Variants in SAXO2 observed in about 807,000 individuals in gnomAD.
SAXO2 encodes the protein family with sequence similarity 154, member B.
In SAXO2, 17 loss-of-function variants were observed where a neutral mutation model predicts 18.7. That is an observed-to-expected ratio of 0.91 (90% CI 0.62 to 1.36). The LOEUF (loss-of-function observed/expected upper bound fraction) is 1.36. SAXO2 is among the 40% of genes most tolerant of loss of function. The probability of loss-of-function intolerance (pLI) is 0.00; values close to 1 mark genes in which losing one functional copy is unlikely to be tolerated. For synonymous variants in SAXO2, 163 were observed against 181.2 expected, an observed-to-expected ratio of 0.90 and a Z score of 0.81; for missense variants, 486 against 562.6, an observed-to-expected ratio of 0.86 and a Z score of 1.38.
chr15:82,272,056 G>T, intron 3 of SAXO2: 1 of 402,264 alleles, frequency 2.5e-6, no homozygotes, highest in South Asian at 5.5e-5. Flanking sequence ...CTCAAAACAT[G>T]AAAAACAAAG....
In SAXO2 at chr15:82,263,356, T is replaced by C. The variant is rs750184926; in HGVS notation, c.53+424T>C. 79 of 802,050 alleles carry C rather than the reference T, an allele frequency of 9.8e-5. No individual in the cohort carries two copies. The African/African-American group carries it at 1.1e-3, about 11-fold the overall frequency. The allele number at this position is 802,050 out of a possible 1,614,324, so 49.7% of individuals were successfully genotyped here. A position where few individuals can be genotyped will look rare whatever the true frequency, so the allele number is the denominator to read the frequency against. ...CCCATATCACATTTTCTTTCATCTG[T>C]AGCTTTCTGTCCTCCCAGCCAGACC... is the stretch of plus-strand genomic sequence containing the variant. On this transcript the variant is annotated intron_variant, in intron 1 of 3. Coordinates refer to ENST00000682753, the MANE Select transcript of SAXO2 (RefSeq NM_001348699.2).
At position 82,278,615 on chromosome 15, in the gene SAXO2, A is replaced by G. The variant is rs2075336149; in HGVS notation, c.434-3504A>G. 2.0e-5 allele frequency among the ~76,000 whole-genome samples: 3 copies of G among 152,336 alleles called. 1 individual carries two copies. The South Asian group carries it at 6.2e-4, about 32-fold the overall frequency. Reference sequence around the variant, plus strand: ...AATAACAGAATATACATTCTTTTCAAGTGCACTTGAAAGCTTCATCCAGAT... The same window carrying G: ...AATAACAGAATATACATTCTTTTCAGGTGCACTTGAAAGCTTCATCCAGAT... On this transcript the variant is annotated intron_variant, in intron 3 of 3. Coordinates refer to ENST00000682753, the MANE Select transcript of SAXO2 (RefSeq NM_001348699.2).
In SAXO2 at chr15:82,269,252, G is replaced by C. The variant is rs76395249; in HGVS notation, c.234-2351G>C. On this transcript the variant is annotated intron_variant, in intron 2 of 3. Transcript: ENST00000682753. ...CAGTGATAAAATCTATGAAGGACAG[G>C]CACAGGTACCTTGACAACCAGACCA... Among the ~76,000 whole-genome samples, 1,218 of 152,244 alleles carry C rather than the reference G, an allele frequency of 8.0e-3. 14 individuals carry two copies. The highest frequency in any genetic ancestry group is 0.027 in the African/African-American group (1,142 of 41,550).
Position 82,263,116 on chromosome 15 carries a change from G to A in SAXO2, c.53+184G>A, listed in dbSNP as rs1431395871. ...CTCGCTCCTCACCCGCCTGCTACCC[G>A]GGGGTAAAACGTTTGTTCGTAGCCC... On this transcript the variant is annotated intron_variant, in intron 1 of 3. Transcript: ENST00000682753. The A allele has an allele frequency of 2.7e-6, 4 of 1,480,152 alleles. No individual in the cohort carries two copies. The African/African-American group carries it at 4.3e-5, about 16-fold the overall frequency. The allele number at this position is 1,480,152 out of a possible 1,614,324, so 91.7% of individuals were successfully genotyped here.
intron 3 of SAXO2, among the ~76,000 whole-genome samples, chr15:82,281,304 C>T (rs1260289253): frequency 2.0e-5 from 3 of 152,174 alleles, no homozygotes; most frequent in African/African-American, 7.2e-5. Flanking sequence ...ATTCTGCATA[C>T]ACCAGAGTGA....
chr15:82,282,485 C>A lies in SAXO2; in HGVS notation c.800C>A (p.Thr267Asn), dbSNP rs763747184. ...KLCRPVHTRV[T>N]QNALFEGSTE... ...TGCAGACCTGTACACACCAGAGTGA[C>A]CCAGAATGCTCTGTTTGAAGGAAGC... Residue 267 changes from threonine (T) to asparagine (N), a missense_variant, in exon 4 of 4, where the codon ACC becomes AAC. Coordinates refer to ENST00000682753, the MANE Select transcript of SAXO2 (RefSeq NM_001348699.2). The A allele has an allele frequency of 2.5e-6, 4 of 1,614,132 alleles. No homozygotes were observed. In the South Asian group the frequency reaches 3.3e-5, roughly 13 times the overall value.
At chr15:82,265,916 G>C (rs2075212812) in intron 2 of SAXO2, among the ~76,000 whole-genome samples, 168 bp downstream of exon 2, 1 of 150,264 alleles carries the variant, frequency 6.7e-6, no homozygotes, top group African/African-American at 2.4e-5. Flanking sequence ...ACAGAAAAAT[G>C]AGAATTAAGT....
chr15:82,276,601 T>G (rs2075317570), intron 3 of SAXO2, among the ~76,000 whole-genome samples: 1 of 151,894 alleles, frequency 6.6e-6, no homozygotes, highest in African/African-American at 2.4e-5. Flanking sequence ...AAATAAACAG[T>G]GGGGAAATTG....
intron 2 of SAXO2, among the ~76,000 whole-genome samples, chr15:82,270,173 G>T (rs1421036628): frequency 1.3e-5 from 2 of 152,178 alleles, no homozygotes; most frequent in South Asian, 2.1e-4. Context: ...AGTTGTGGGA[G>T]TAGAAGAGTT....
rs1249034831 is a variant in SAXO2 at position 82,271,698 on chromosome 15, A to G, written c.329A>G (p.Tyr110Cys). 9 of 1,614,166 alleles carry G rather than the reference A, an allele frequency of 5.6e-6. No homozygotes were observed. The highest frequency in any genetic ancestry group is 3.3e-5 in the Admixed American group (2 of 60,026). Residue 110 changes from tyrosine (Y) to cysteine (C), a missense_variant, in exon 3 of 4, where the codon TAC becomes TGC. Tyr to Cys is a radical substitution (Grantham distance 194, BLOSUM62 -2). Coordinates refer to ENST00000682753, the MANE Select transcript of SAXO2 (RefSeq NM_001348699.2). ...KQGKIDLGTT[Y>C]KRDLNSYKVQ... ...GGGAAGATTGATCTTGGTACTACCT[A>G]CAAACGGGATTTGAATTCGTATAAA...
Position 82,282,419 on chromosome 15 carries a change from G to A in SAXO2, c.734G>A (p.Arg245Gln), listed in dbSNP as rs780806755. 6.2e-6 allele frequency: 10 copies of A among 1,614,110 alleles called. No individual in the cohort carries two copies. In the East Asian group the frequency reaches 8.9e-5, roughly 14 times the overall value. The change falls in exon 4 of 4, where the codon CGG becomes CAG. Residue 245 changes from arginine to glutamine, a missense_variant. Coordinates refer to ENST00000682753, the MANE Select transcript of SAXO2 (RefSeq NM_001348699.2). ...CGCTTTGAGGATCTCACAACTCACCGGTGTGACTTTCAGGGTCTCATTGGT... is the reference window on the plus strand; with the variant it reads ...CGCTTTGAGGATCTCACAACTCACCAGTGTGACTTTCAGGGTCTCATTGGT... ...DQRFEDLTTHRCDFQGLIGET... is the reference protein window; with the variant it reads ...DQRFEDLTTHQCDFQGLIGET...
intron 1 of SAXO2, chr15:82,264,888 T>TC: frequency 1.6e-6 from 1 of 607,598 alleles, no homozygotes; most frequent in Non-Finnish European, 2.9e-6. Context: ...GCCTTGACTC[T>TC]CTCCTTATGT....
At chr15:82,264,686 A>G (rs777416070) in intron 1 of SAXO2, 11 of 702,276 alleles carry the variant, frequency 1.6e-5, no homozygotes, top group Non-Finnish European at 2.3e-5. Flanking sequence ...AGGACTGACA[A>G]GGGAGCCACT....
chr15:82,266,268 C>T (rs2075217580), intron 2 of SAXO2, among the ~76,000 whole-genome samples: 1 of 152,216 alleles, frequency 6.6e-6, no homozygotes, highest in African/African-American at 2.4e-5. Flanking sequence ...ACAAGCCTGA[C>T]CTAGAGGAAT....
chr15:82,267,487 T>A lies in SAXO2; in HGVS notation c.233+1739T>A, dbSNP rs117718701. On this transcript the variant is annotated intron_variant, in intron 2 of 3. Coordinates refer to ENST00000682753, the MANE Select transcript of SAXO2 (RefSeq NM_001348699.2). Reference sequence around the variant, plus strand: ...CACTTTTCCCCTTAGCTTAATGATTTTGGGACTCCAAGATTTATCTTCCTT... The same window carrying A: ...CACTTTTCCCCTTAGCTTAATGATTATGGGACTCCAAGATTTATCTTCCTT... 2.1e-4 allele frequency among the ~76,000 whole-genome samples: 32 copies of A among 152,316 alleles called. 1 individual carries two copies. In the East Asian group the frequency reaches 6.2e-3, roughly 29 times the overall value.
At position 82,271,542 on chromosome 15, in the gene SAXO2, C is replaced by A. The variant is rs1278661821; in HGVS notation, c.234-61C>A. Reference sequence around the variant, plus strand: ...AAAAGCCTTGACATTTTCCATACTTCATTGAAATAATTAGGAATAAAAGAA... The same window carrying A: ...AAAAGCCTTGACATTTTCCATACTTAATTGAAATAATTAGGAATAAAAGAA... On this transcript the variant is annotated intron_variant, in intron 2 of 3. Transcript: ENST00000682753. 3 of 1,362,606 alleles carry A rather than the reference C, an allele frequency of 2.2e-6. No homozygotes were observed. In the East Asian group the frequency reaches 7.2e-5, roughly 33 times the overall value. The allele number at this position is 1,362,606 out of a possible 1,614,324, so 84.4% of individuals were successfully genotyped here.
intron 2 of SAXO2, among the ~76,000 whole-genome samples, chr15:82,271,264 TA>T (rs912221890): frequency 1.3e-5 from 2 of 152,204 alleles, no homozygotes; most frequent in Non-Finnish European, 2.9e-5. Context: ...TCAGGTTTAG[TA>T]AATTTTACCT....
chr15:82,264,377 T>C (rs2075188522), intron 1 of SAXO2, among the ~76,000 whole-genome samples: 1 of 151,936 alleles, frequency 6.6e-6, no homozygotes, highest in African/African-American at 2.4e-5. Flanking sequence ...GATTTTTTTT[T>C]TTTTTTAACA....
At chr15:82,263,178 AC>A in intron 1 of SAXO2, 1 of 1,450,558 alleles carries the variant, frequency 6.9e-7, no homozygotes, top group East Asian at 2.5e-5. Flanking sequence ...GTAAAATGCC[AC>A]CCGGGCCAGG....
Sources: gnomAD v4.1 joint callset for allele counts (sites outside exome capture counted in the v4.1 genomes callset) on GRCh38, gnomAD v4.1.1 for gene constraint, MANE v1.5 for transcripts, NCBI Gene and HGNC (gene_info 2026-07-23, HGNC 2026-07-21) for gene names.